The following HEMK2 variants were observed in gnomAD, a reference collection of about 807,000 sequenced individuals.
The protein encoded by HEMK2 is methyltransferase HEMK2.
the HEMK2 span, among the ~76,000 whole-genome samples, chr21:28,683,469 C>T: frequency 2.0e-5 from 3 of 152,162 alleles, no homozygotes; most frequent in Admixed American, 6.5e-5. Flanking sequence ...GTCACTGCCG[C>T]GTCATCACTG....
At chr21:28,697,894 T>C in the HEMK2 span, among the ~76,000 whole-genome samples, 1 of 150,512 alleles carries the variant, frequency 6.6e-6, no homozygotes, top group East Asian at 2.0e-4. Context: ...TTGTAAACAA[T>C]GGGAATTTAT....
chr21:28,674,429 G>T, the HEMK2 span, among the ~76,000 whole-genome samples: 1 of 152,110 alleles, frequency 6.6e-6, no homozygotes, highest in Admixed American at 6.6e-5. Context: ...CTTGGAGTCT[G>T]GATCTGGACC....
At chr21:28,721,281 A>G in the HEMK2 span, among the ~76,000 whole-genome samples, 1 of 151,662 alleles carries the variant, frequency 6.6e-6, no homozygotes, top group Non-Finnish European at 1.5e-5. Context: ...ATGCCCAGCT[A>G]ATTTTTGTAT....
the HEMK2 span, among the ~76,000 whole-genome samples, chr21:28,857,158 A>T: frequency 6.6e-6 from 1 of 152,182 alleles, no homozygotes; most frequent in Non-Finnish European, 1.5e-5. Context: ...AGTTACCCAG[A>T]AGTATGCTTA....
At chr21:28,820,549 C>T in the HEMK2 span, among the ~76,000 whole-genome samples, 1 of 152,208 alleles carries the variant, frequency 6.6e-6, no homozygotes, top group Non-Finnish European at 1.5e-5. Flanking sequence ...ATTATCCACA[C>T]TTCCCCATCT....
At chr21:28,681,608 A>C in the HEMK2 span, among the ~76,000 whole-genome samples, 1 of 152,244 alleles carries the variant, frequency 6.6e-6, no homozygotes, top group African/African-American at 2.4e-5. Flanking sequence ...TCCTAAGCCA[A>C]AAGAACAAAG....
At chr21:28,673,006 G>C in the HEMK2 span, among the ~76,000 whole-genome samples, 10 of 131,104 alleles carry the variant, frequency 7.6e-5, no homozygotes, top group Non-Finnish European at 1.4e-4. Context: ...GAAAGAGAAA[G>C]AAAGAAAGAA....
chr21:28,774,999 G>A, the HEMK2 span, among the ~76,000 whole-genome samples: 3 of 152,136 alleles, frequency 2.0e-5, no homozygotes, highest in Non-Finnish European at 4.4e-5. Context: ...CAGAAAGAAA[G>A]GACTTTCCTT....
chr21:28,865,705 T>C, the HEMK2 span, among the ~76,000 whole-genome samples: 207 of 152,250 alleles, frequency 1.4e-3, no homozygotes, highest in African/African-American at 4.7e-3. Context: ...GGCCTTTCCA[T>C]GCACTCTTCC....
chr21:28,788,705 CAAAAAAA>C, the HEMK2 span, among the ~76,000 whole-genome samples: 3 of 126,598 alleles, frequency 2.4e-5, no homozygotes, highest in African/African-American at 5.7e-5. Context: ...TTAGGTACTC[CAAAAAAA>C]AAAAAAAAGA....
At chr21:28,879,933 T>C in the HEMK2 span, 2 of 1,603,026 alleles carry the variant, frequency 1.2e-6, no homozygotes, top group Non-Finnish European at 1.7e-6. Context: ...TTTCGGTCAA[T>C]CTTGGTAGCA....
chr21:28,633,165 G>A, the HEMK2 span, among the ~76,000 whole-genome samples: 1 of 152,164 alleles, frequency 6.6e-6, no homozygotes, highest in Non-Finnish European at 1.5e-5. Flanking sequence ...GGCCTGAGAG[G>A]AAGCAAGTCT....
the HEMK2 span, among the ~76,000 whole-genome samples, chr21:28,711,876 C>T: frequency 1.3e-5 from 2 of 152,142 alleles, no homozygotes; most frequent in Admixed American, 1.3e-4. Flanking sequence ...GAGCCCTCTT[C>T]CGTCTTGCAG....
At chr21:28,734,868 C>T in the HEMK2 span, among the ~76,000 whole-genome samples, 2 of 152,178 alleles carry the variant, frequency 1.3e-5, no homozygotes, top group East Asian at 1.9e-4. Context: ...CTTAATGGCC[C>T]AAACAACAAT....
At chr21:28,885,294 C>T in the HEMK2 span, 7 of 1,590,584 alleles carry the variant, frequency 4.4e-6, no homozygotes, top group Non-Finnish European at 6.0e-6. Flanking sequence ...TCGCTGAAGG[C>T]GCCGCGGCCC....
At chr21:28,663,089 C>T in the HEMK2 span, among the ~76,000 whole-genome samples, 6 of 152,042 alleles carry the variant, frequency 3.9e-5, no homozygotes, top group African/African-American at 9.7e-5. Flanking sequence ...AGTGAAAAAA[C>T]GAGAAGAGAA....
the HEMK2 span, among the ~76,000 whole-genome samples, chr21:28,628,645 G>C: frequency 3.9e-5 from 6 of 152,226 alleles, no homozygotes; most frequent in Admixed American, 1.3e-4. Flanking sequence ...GTAAAGACAG[G>C]GTTTCACCAT....
chr21:28,618,782 A>G, the HEMK2 span, among the ~76,000 whole-genome samples: 4 of 152,184 alleles, frequency 2.6e-5, no homozygotes, highest in Non-Finnish European at 5.9e-5. Flanking sequence ...GCTCAATACT[A>G]ATGATCACTT....
chr21:28,620,070 A>T, the HEMK2 span, among the ~76,000 whole-genome samples: 394 of 152,284 alleles, frequency 2.6e-3, 3 homozygotes, highest in African/African-American at 9.0e-3. Flanking sequence ...AACTTCCAAT[A>T]CTATGTTGAA....
Sources: allele counts gnomAD v4.1 joint callset (sites outside exome capture counted in the v4.1 genomes callset), GRCh38; gene constraint gnomAD v4.1.1; transcripts MANE v1.5; gene names NCBI Gene and HGNC (gene_info 2026-07-23, HGNC 2026-07-21).